GABRG3: variants seen among roughly 807,000 people sequenced by gnomAD.
GABRG3 encodes the protein gamma-aminobutyric acid type A receptor subunit gamma3.
GABRG3 carries 25 observed loss-of-function variants against 48.8 expected under a neutral mutation model. The ratio of observed to expected loss-of-function variants is 0.51; its 90% CI spans 0.37 to 0.72. The LOEUF is 0.72. Ranked by LOEUF, GABRG3 falls within the 30% of genes least tolerant of loss-of-function variation. GABRG3 has a pLI of 0.00. For missense variants in GABRG3, 394 were observed against 577.9 expected (o/e 0.68, Z 3.26); for synonymous variants, 227 against 217.6 (o/e 1.04, Z -0.38).
chr15:27,413,609 C>CT (rs1332179392), intron 5 of GABRG3, among the ~76,000 whole-genome samples: 2 of 151,802 alleles, frequency 1.3e-5, no homozygotes, highest in African/African-American at 4.8e-5. Context: ...TAATTGGGCC[C>CT]TTTTTTTTAA....
At chr15:27,508,694 G>A (rs1260159843) in intron 6 of GABRG3, among the ~76,000 whole-genome samples, 1 of 151,286 alleles carries the variant, frequency 6.6e-6, no homozygotes, top group African/African-American at 2.4e-5. Context: ...TTTTTGTTTT[G>A]TTTTGTTTTT....
chr15:26,971,801 G>C (rs1894851143), intron 1 of GABRG3, among the ~76,000 whole-genome samples: 1 of 152,174 alleles, frequency 6.6e-6, no homozygotes, highest in South Asian at 2.1e-4. Flanking sequence ...GGAGTGTGGG[G>C]ACTCAGATTA....
chr15:27,050,488 G>C (rs907193020), intron 3 of GABRG3, among the ~76,000 whole-genome samples: 1 of 152,170 alleles, frequency 6.6e-6, no homozygotes, highest in Non-Finnish European at 1.5e-5. Flanking sequence ...TCGTCCTGCT[G>C]TTCCTAGGAT....
At chr15:27,420,591 G>A (rs961658376) in intron 5 of GABRG3, 1 of 152,146 alleles carries the variant, frequency 6.6e-6, no homozygotes, top group Non-Finnish European at 1.5e-5. Flanking sequence ...ATGTTAATTA[G>A]TTTGATTGTG....
At chr15:27,425,764 T>G (rs866421017) in intron 5 of GABRG3, among the ~76,000 whole-genome samples, 6 of 152,220 alleles carry the variant, frequency 3.9e-5, no homozygotes, top group South Asian at 2.1e-4. Context: ...CCTTGGAGAA[T>G]GTAATTGTTG....
At chr15:27,220,102 C>G (rs1196937145) in intron 3 of GABRG3, among the ~76,000 whole-genome samples, 1 of 152,148 alleles carries the variant, frequency 6.6e-6, no homozygotes, top group Non-Finnish European at 1.5e-5. Context: ...CACACCTAAC[C>G]TGACCTTCTT....
intron 3 of GABRG3, among the ~76,000 whole-genome samples, chr15:27,109,041 C>T (rs1897499309): frequency 6.6e-6 from 1 of 152,166 alleles, no homozygotes; most frequent in Admixed American, 6.5e-5. Context: ...CATTTGTGCA[C>T]AACATTCTAT....
intron 5 of GABRG3, among the ~76,000 whole-genome samples, chr15:27,455,391 GGTGT>G (rs1252750346): frequency 2.0e-5 from 3 of 151,782 alleles, no homozygotes; most frequent in Non-Finnish European, 2.9e-5. Flanking sequence ...GGGTGTATGT[GGTGT>G]GTATGTGTGC....
At chr15:27,467,688 T>A (rs915494170) in intron 5 of GABRG3, among the ~76,000 whole-genome samples, 3 of 152,242 alleles carry the variant, frequency 2.0e-5, no homozygotes, top group Non-Finnish European at 4.4e-5. Context: ...TGAAACCTCA[T>A]GTGCCAGTTA....
At position 26,976,717 on chromosome 15, in the gene GABRG3, T is replaced by G. The variant is rs1351348990; in HGVS notation, c.54-285T>G. Among the ~76,000 whole-genome samples, 3 of 152,198 alleles carry G rather than the reference T, an allele frequency of 2.0e-5. No homozygotes were observed. The highest frequency in any genetic ancestry group is 2.9e-5 in the Non-Finnish European group (2 of 68,042). On this transcript the variant is annotated intron_variant, in intron 1 of 9. Transcript: ENST00000615808. This position sits in a 1 kb window ranked among gnomAD's most constrained non-coding sequence, Gnocchi z 7.8. The stretch of plus-strand genomic sequence containing the variant: ...TGCCTGCTGGTTGGCCCTCTGGTGT[T>G]GTTTACCTGCCACGTTGTCTGTAGT...
At chr15:27,067,756 A>G (rs1048318983) in intron 3 of GABRG3, among the ~76,000 whole-genome samples, 3 of 152,160 alleles carry the variant, frequency 2.0e-5, no homozygotes, top group African/African-American at 7.2e-5. Context: ...CTGGCTGTTC[A>G]GGCCTCCTCT....
At chr15:27,318,740 G>A (rs1195515117) in intron 3 of GABRG3, among the ~76,000 whole-genome samples, 1 of 152,184 alleles carries the variant, frequency 6.6e-6, no homozygotes, top group Non-Finnish European at 1.5e-5. Context: ...TTCCAGGAAT[G>A]GGGGCTAGTA....
intron 3 of GABRG3, among the ~76,000 whole-genome samples, chr15:27,243,490 G>A (rs570476281): frequency 6.6e-5 from 10 of 152,174 alleles, no homozygotes; most frequent in African/African-American, 2.2e-4. Flanking sequence ...ACGGAAGAGG[G>A]CATTCCCGTG....
intron 3 of GABRG3, among the ~76,000 whole-genome samples, chr15:27,279,721 C>G (rs553395341): frequency 2.7e-4 from 41 of 152,202 alleles, no homozygotes; most frequent in African/African-American, 9.4e-4. Flanking sequence ...TTATTCTTCT[C>G]TTTAAAAAAT....
At chr15:27,403,914 C>CAA (rs528760544) in intron 5 of GABRG3, among the ~76,000 whole-genome samples, 31 of 68,548 alleles carry the variant, frequency 4.5e-4, no homozygotes, top group East Asian at 4.4e-3. Flanking sequence ...CAAAAAAAAA[C>CAA]AAAAAAAAAA....
intron 3 of GABRG3, among the ~76,000 whole-genome samples, chr15:27,288,834 G>GA (rs1221296666): frequency 1.3e-5 from 2 of 152,140 alleles, no homozygotes; most frequent in African/African-American, 4.8e-5. Context: ...CCTTGAGCCT[G>GA]AAGAACCTTC....
chr15:27,247,977 G>A (rs1426436445), intron 3 of GABRG3, among the ~76,000 whole-genome samples: 1 of 152,198 alleles, frequency 6.6e-6, no homozygotes, highest in African/African-American at 2.4e-5. Context: ...CATAACGCAT[G>A]ACTACACATA....
At chr15:27,114,816 T>G (rs1204037227) in intron 3 of GABRG3, among the ~76,000 whole-genome samples, 2 of 152,076 alleles carry the variant, frequency 1.3e-5, no homozygotes, top group South Asian at 2.1e-4. Context: ...TTTTTTTCAT[T>G]AAACCCCTTC....
intron 3 of GABRG3, among the ~76,000 whole-genome samples, chr15:27,041,894 A>G (rs910229867): frequency 2.0e-5 from 3 of 152,006 alleles, no homozygotes; most frequent in African/African-American, 7.2e-5. Context: ...TCCCTGGTTG[A>G]GGTGTTCTGG....
Sources: gnomAD v4.1 joint callset for allele counts (sites outside exome capture counted in the v4.1 genomes callset) on GRCh38, gnomAD v4.1.1 for gene constraint, Gnocchi (gnomAD v3.1) non-coding constraint, MANE v1.5 for transcripts, NCBI Gene and HGNC (gene_info 2026-07-23, HGNC 2026-07-21) for gene names.